Variants in PTPRD observed in about 807,000 individuals in gnomAD.
PTPRD encodes the protein receptor-type tyrosine-protein phosphatase delta.
PTPRD carries 34 observed loss-of-function variants against 214.5 expected under a neutral mutation model. The observed-to-expected ratio is 0.16, with a 90% CI of 0.12 to 0.21. The LOEUF (loss-of-function observed/expected upper bound fraction) is 0.21. PTPRD is among the 10% of genes least tolerant of loss of function. The pLI is 1.00. For synonymous variants in PTPRD, 1,128 were observed against 845.7 expected, an observed-to-expected ratio of 1.33 and a Z score of -5.79; for missense variants, 2,545 against 2,398.7, an observed-to-expected ratio of 1.06 and a Z score of -1.27.
chr9:9,234,776 T>C (rs2099965514), intron 9 of PTPRD, among the ~76,000 whole-genome samples: 1 of 152,156 alleles, frequency 6.6e-6, no homozygotes, highest in Admixed American at 6.5e-5. Flanking sequence ...TGAGACCACC[T>C]CAGCCTGGAC....
At chr9:8,740,093 T>C (rs996462300) in intron 11 of PTPRD, among the ~76,000 whole-genome samples, 5 of 151,978 alleles carry the variant, frequency 3.3e-5, no homozygotes, top group Non-Finnish European at 7.4e-5. Context: ...AAAGATTTCA[T>C]TTTTTTTAAA....
At chr9:8,724,913 G>C (rs892356237) in intron 12 of PTPRD, among the ~76,000 whole-genome samples, 9 of 152,098 alleles carry the variant, frequency 5.9e-5, no homozygotes, top group Non-Finnish European at 7.3e-5. Context: ...ACTCCAGCCT[G>C]GATAACAGAG....
intron 2 of PTPRD, among the ~76,000 whole-genome samples, chr9:10,605,827 T>C (rs1010108876): frequency 2.6e-5 from 4 of 151,840 alleles, no homozygotes; most frequent in Non-Finnish European, 4.4e-5. Flanking sequence ...TCAGCACTCC[T>C]TGACACATAG....
At chr9:8,504,478 C>T (rs188273016) in intron 22 of PTPRD, 73 bp from the exon 23 acceptor site, 22 of 1,512,326 alleles carry the variant, frequency 1.5e-5, no homozygotes, top group Non-Finnish European at 1.9e-5. Flanking sequence ...ACTGTCTGGA[C>T]CATCAGATTT....
intron 8 of PTPRD, among the ~76,000 whole-genome samples, chr9:9,495,189 C>G (rs1477047031): frequency 9.2e-5 from 14 of 151,680 alleles, no homozygotes. Context: ...AATGTCAGAC[C>G]TAAATCTATA....
At position 8,733,851 on chromosome 9, in the gene PTPRD, C is replaced by T; in HGVS notation, c.-8G>A. On this transcript the variant is annotated 5_prime_UTR_variant, in exon 12 of 46. Transcript: ENST00000381196. ...CCTGGCTACGTGCACCATCCTGCAG[C>T]TTGGCAGCAGCGTGCGCGAGCAGCT... 1 of 1,550,778 alleles carries T rather than the reference C, an allele frequency of 6.4e-7. No individual in the cohort carries two copies.
intron 3 of PTPRD, among the ~76,000 whole-genome samples, chr9:10,040,468 C>T (rs1474871148): frequency 2.0e-5 from 3 of 152,026 alleles, no homozygotes; most frequent in Admixed American, 6.6e-5. Flanking sequence ...ATTGCCACTA[C>T]CCTGAGTGTG....
chr9:8,490,990 T>A (rs1410441241), intron 27 of PTPRD, among the ~76,000 whole-genome samples: 1 of 152,196 alleles, frequency 6.6e-6, no homozygotes, highest in Non-Finnish European at 1.5e-5. Context: ...ATACGAGGAT[T>A]TTTAATACAG....
At chr9:10,516,076 T>C (rs1008687726) in intron 2 of PTPRD, among the ~76,000 whole-genome samples, 1 of 151,956 alleles carries the variant, frequency 6.6e-6, no homozygotes, top group African/African-American at 2.4e-5. Context: ...ATTGAAATTA[T>C]TTTGAACAAA....
chr9:10,174,599 G>C (rs2154300360), intron 3 of PTPRD, among the ~76,000 whole-genome samples: 1 of 151,632 alleles, frequency 6.6e-6, no homozygotes, highest in Admixed American at 6.6e-5. Flanking sequence ...TTTTTTCCTA[G>C]CTTTCTTTCC....
intron 8 of PTPRD, among the ~76,000 whole-genome samples, chr9:9,477,003 G>A (rs955608389): frequency 6.6e-6 from 1 of 152,088 alleles, no homozygotes; most frequent in African/African-American, 2.4e-5. Flanking sequence ...CCAAAGTGCT[G>A]GGATTACAGG....
intron 3 of PTPRD, among the ~76,000 whole-genome samples, chr9:10,193,380 G>A (rs930543901): frequency 3.9e-5 from 6 of 151,930 alleles, no homozygotes; most frequent in African/African-American, 1.5e-4. Flanking sequence ...GGTTGGGCTG[G>A]GATGAAGGAG....
intron 31 of PTPRD, among the ~76,000 whole-genome samples, chr9:8,466,173 CAGCAGA>C (rs2096540944): frequency 6.6e-6 from 1 of 151,924 alleles, no homozygotes; most frequent in Non-Finnish European, 1.5e-5. Context: ...TCCCTCAAAT[CAGCAGA>C]AGCAGAATCC....
chr9:8,963,537 TTC>T (rs1410467819), intron 11 of PTPRD, among the ~76,000 whole-genome samples: 1 of 152,192 alleles, frequency 6.6e-6, no homozygotes, highest in African/African-American at 2.4e-5. Context: ...TGTTTTTTAA[TTC>T]TGTTTATGTG....
rs147505059 is a variant in PTPRD, at chr9:10,050,395, T to C, written c.-544-16605A>G. ...CAATATGGTGAAACATCATCTTTAC[T>C]AAAAATACAAAAAAACTAGCCAGGC... On this transcript the variant is annotated intron_variant, in intron 3 of 45. Transcript: ENST00000381196. Among the ~76,000 whole-genome samples the C allele has an allele frequency of 4.5e-3, 674 of 151,048 alleles. 5 individuals are homozygous for C. The highest frequency in any genetic ancestry group is 0.016 in the African/African-American group (639 of 41,188).
intron 3 of PTPRD, among the ~76,000 whole-genome samples, chr9:10,189,944 T>C (rs1000270171): frequency 6.6e-6 from 1 of 151,988 alleles, no homozygotes; most frequent in African/African-American, 2.4e-5. Context: ...AGCAAGAGGA[T>C]GTTCACTGCA....
rs149433893 is a variant in PTPRD at position 8,588,323 on chromosome 9, T to C, written c.352+44994A>G. Among the ~76,000 whole-genome samples, 226 of 152,338 alleles carry C rather than the reference T, an allele frequency of 1.5e-3. 2 individuals carry two copies. The East Asian group carries it at 0.039, about 26-fold the overall frequency. ...AATAAGAAGCCAGCTGTAGTCTTTA[T>C]ATTTTGAAGAAAATCTTACCAGCTG... On this transcript the variant is annotated intron_variant, in intron 14 of 45. Coordinates refer to ENST00000381196, the MANE Select transcript of PTPRD (RefSeq NM_002839.4).
At chr9:8,969,786 T>C (rs1181291391) in intron 11 of PTPRD, among the ~76,000 whole-genome samples, 1 of 151,602 alleles carries the variant, frequency 6.6e-6, no homozygotes, top group African/African-American at 2.4e-5. Context: ...GCCCCTAGGG[T>C]CAAGAAAAGT....
At chr9:9,928,757 TACACACAC>T (rs60820386) in intron 5 of PTPRD, among the ~76,000 whole-genome samples, 1 of 147,124 alleles carries the variant, frequency 6.8e-6, no homozygotes. Context: ...TCTCTCTCTA[TACACACAC>T]ACACACACAC....
Sources: allele counts gnomAD v4.1 joint callset (sites outside exome capture counted in the v4.1 genomes callset), GRCh38; gene constraint gnomAD v4.1.1; transcripts MANE v1.5; gene names NCBI Gene and HGNC (gene_info 2026-07-23, HGNC 2026-07-21).